The following DCLK1 variants were observed in gnomAD, a reference collection of about 807,000 sequenced individuals.
DCLK1 encodes serine/threonine-protein kinase DCLK1.
Under a neutral mutation model 86.2 loss-of-function variants are expected in DCLK1, and 16 were observed. The ratio of observed to expected loss-of-function variants is 0.19; its 90% CI spans 0.13 to 0.28. DCLK1 has a LOEUF of 0.28. Ranked by LOEUF, DCLK1 falls within the 10% of genes least tolerant of loss-of-function variation. DCLK1 has a pLI of 1.00. For missense variants in DCLK1, 590 were observed against 940.2 expected (o/e 0.63, Z 4.87); for synonymous variants, 369 against 370.5 (o/e 1.00, Z 0.05).
At chr13:35,778,158 G>A (rs1195647620) in intron 16 of DCLK1, among the ~76,000 whole-genome samples, 1 of 152,166 alleles carries the variant, frequency 6.6e-6, no homozygotes, top group East Asian at 1.9e-4. Context: ...GAGGTGATCT[G>A]CTTCTCTCTG....
At chr13:36,099,347 G>C (rs963480963) in intron 3 of DCLK1, among the ~76,000 whole-genome samples, 8 of 152,200 alleles carry the variant, frequency 5.3e-5, no homozygotes, top group Non-Finnish European at 1.0e-4. Flanking sequence ...TTTAAAGTAC[G>C]AAGGCAATGT....
At chr13:35,892,426 A>G (rs894180783) in intron 4 of DCLK1, among the ~76,000 whole-genome samples, 2 of 152,122 alleles carry the variant, frequency 1.3e-5, no homozygotes, top group African/African-American at 2.4e-5. Flanking sequence ...CTGATGAGCA[A>G]AAGTCTGTAA....
chr13:36,068,553 T>G (rs974365384), intron 3 of DCLK1, among the ~76,000 whole-genome samples: 1 of 115,938 alleles, frequency 8.6e-6, no homozygotes, highest in East Asian at 3.6e-4. Flanking sequence ...TGAATCTTGA[T>G]AGAGAACAGT....
At chr13:35,919,804 A>C (rs1250351688) in intron 4 of DCLK1, among the ~76,000 whole-genome samples, 1 of 151,230 alleles carries the variant, frequency 6.6e-6, no homozygotes, top group Non-Finnish European at 1.5e-5. Flanking sequence ...CTCTCAAAAA[A>C]AATTTTTTTT....
intron 3 of DCLK1, among the ~76,000 whole-genome samples, chr13:36,062,653 C>A (rs1883593857): frequency 6.6e-6 from 1 of 152,114 alleles, no homozygotes; most frequent in South Asian, 2.1e-4. Flanking sequence ...TAAAGATATC[C>A]AAATAATCGC....
At chr13:35,845,252 A>C (rs1320719219) in intron 6 of DCLK1, among the ~76,000 whole-genome samples, 1 of 152,152 alleles carries the variant, frequency 6.6e-6, no homozygotes, top group Non-Finnish European at 1.5e-5. Flanking sequence ...TGTCTCAGAA[A>C]AATATGTATA....
intron 2 of DCLK1, among the ~76,000 whole-genome samples, chr13:36,118,511 T>C (rs927532748): frequency 3.3e-5 from 5 of 152,094 alleles, no homozygotes; most frequent in African/African-American, 4.8e-5. Flanking sequence ...AGGTTTGGAT[T>C]AGGCAGTAAA....
intron 11 of DCLK1, among the ~76,000 whole-genome samples, chr13:35,813,604 G>A (rs1210323225): frequency 6.6e-6 from 1 of 151,828 alleles, no homozygotes; most frequent in Non-Finnish European, 1.5e-5. Flanking sequence ...AATACAAAAT[G>A]ATTATTAAAA....
At chr13:35,827,897 A>T in intron 9 of DCLK1, 143 bp from the exon 10 acceptor site, 1 of 1,069,188 alleles carries the variant, frequency 9.4e-7, no homozygotes, top group Non-Finnish European at 1.3e-6. Flanking sequence ...TCTGATATTC[A>T]GATATAGCCT....
chr13:35,969,703 T>G (rs1013695213), intron 3 of DCLK1, among the ~76,000 whole-genome samples: 3 of 152,158 alleles, frequency 2.0e-5, no homozygotes, highest in Admixed American at 1.3e-4. Context: ...ACACACTGAC[T>G]CAGTTGTCAA....
chr13:35,853,202 C>T (rs1485255452), intron 6 of DCLK1, among the ~76,000 whole-genome samples: 1 of 152,140 alleles, frequency 6.6e-6, no homozygotes, highest in Non-Finnish European at 1.5e-5. Flanking sequence ...CAAGAAGAAA[C>T]CATAGTGAAA....
At chr13:35,988,725 T>C (rs1051805160) in intron 3 of DCLK1, among the ~76,000 whole-genome samples, 1 of 152,202 alleles carries the variant, frequency 6.6e-6, no homozygotes, top group Non-Finnish European at 1.5e-5. Context: ...GAAATACTAG[T>C]GTGTCTTGAC....
intron 4 of DCLK1, among the ~76,000 whole-genome samples, chr13:35,895,917 G>A (rs966348573): frequency 5.0e-5 from 6 of 120,620 alleles, no homozygotes; most frequent in East Asian, 2.5e-4. Context: ...TTCTACAAAC[G>A]CCAGATTGAT....
At position 36,084,192 on chromosome 13, in the gene DCLK1, C is replaced by T. The variant is rs115170174; in HGVS notation, c.723+27677G>A. Among the ~76,000 whole-genome samples, 942 of 152,184 alleles carry T rather than the reference C, an allele frequency of 6.2e-3. 10 individuals are homozygous for T. Among genetic ancestry groups the T allele is most frequent in the African/African-American group, 0.021 (885 of 41,494 alleles). On this transcript the variant is annotated intron_variant, in intron 3 of 16. Transcript: ENST00000360631. ...TAAACATCCTTGAATGATTTTTCCCCGCCCTGGCAGAATGAAAAGGTAAGG... is the reference window on the plus strand; with the variant it reads ...TAAACATCCTTGAATGATTTTTCCCTGCCCTGGCAGAATGAAAAGGTAAGG...
At chr13:35,781,549 T>C (rs1208069763) in intron 16 of DCLK1, among the ~76,000 whole-genome samples, 3 of 152,232 alleles carry the variant, frequency 2.0e-5, no homozygotes, top group Non-Finnish European at 4.4e-5. Flanking sequence ...CTCACTTTCA[T>C]TGTGAGGCAA....
At chr13:35,814,429 C>T (rs1393216728) in intron 11 of DCLK1, among the ~76,000 whole-genome samples, 4 of 152,182 alleles carry the variant, frequency 2.6e-5, no homozygotes, top group Non-Finnish European at 5.9e-5. Flanking sequence ...GCTTAGACTG[C>T]TCTCTGGATT....
intron 8 of DCLK1, among the ~76,000 whole-genome samples, chr13:35,833,476 ACTTC>A (rs1383106686): frequency 6.6e-5 from 10 of 152,256 alleles, no homozygotes; most frequent in African/African-American, 2.4e-4. Flanking sequence ...CAGTCCACTA[ACTTC>A]CTTTAGTATG....
intron 3 of DCLK1, among the ~76,000 whole-genome samples, chr13:36,054,829 A>G (rs1883245233): frequency 6.6e-6 from 1 of 152,190 alleles, no homozygotes; most frequent in African/African-American, 2.4e-5. Flanking sequence ...CACAGCTTAC[A>G]CAACTAACAA....
rs371620407 is a variant in DCLK1 at position 35,978,752 on chromosome 13, A to C, written c.724-31295T>G. 3.3e-4 allele frequency among the ~76,000 whole-genome samples: 50 copies of C among 152,276 alleles called. No homozygotes were observed. In the South Asian group the frequency reaches 0.01, roughly 31 times the overall value. ...ACTCAAATTTACACTTACCCTGACAAGAGATTACGTTAGATTTCCACACCT... is the reference window on the plus strand; with the variant it reads ...ACTCAAATTTACACTTACCCTGACACGAGATTACGTTAGATTTCCACACCT... On this transcript the variant is annotated intron_variant, in intron 3 of 16. Transcript: ENST00000360631.
Sources: allele counts gnomAD v4.1 joint callset (sites outside exome capture counted in the v4.1 genomes callset), GRCh38; gene constraint gnomAD v4.1.1; transcripts MANE v1.5; gene names NCBI Gene and HGNC (gene_info 2026-07-23, HGNC 2026-07-21).